Variants in GAREM2 observed in about 807,000 individuals in gnomAD.
The protein encoded by GAREM2 is GRB2 associated regulator of MAPK1 subtype 2.
In GAREM2, 30 loss-of-function variants were observed where a neutral mutation model predicts 55.6. That is an observed-to-expected ratio of 0.54 (90% CI 0.40 to 0.73). The LOEUF is 0.73. GAREM2 is among the 30% of genes least tolerant of loss of function. The pLI, the probability that GAREM2 is intolerant of heterozygous loss-of-function variation, is 0.00. For missense variants in GAREM2, 1,075 were observed against 1,257.7 expected (o/e 0.85, Z 2.20); for synonymous variants, 550 against 569.1 (o/e 0.97, Z 0.48).
the GAREM2 span, chr2:26,195,178 T>A: frequency 2.5e-6 from 4 of 1,612,408 alleles, no homozygotes; most frequent in Non-Finnish European, 1.7e-6. Flanking sequence ...TCGGTCGTGA[T>A]AATCTCCAGC....
intron 1 of GAREM2, 142 bp from the exon 2 acceptor site, chr2:26,176,201 AG>A (rs906471776): frequency 1.3e-6 from 1 of 745,942 alleles, no homozygotes; most frequent in African/African-American, 1.8e-5. Context: ...CTGTCCCTTG[AG>A]CTTTGCTGAC....
chr2:26,192,241 A>G, downstream of GAREM2: 13 of 795,712 alleles, frequency 1.6e-5, no homozygotes, highest in Non-Finnish European at 4.4e-6. Flanking sequence ...AAAATGGAAG[A>G]GGGGCTGGGA....
chr2:26,197,277 G>A, the GAREM2 span, among the ~76,000 whole-genome samples: 2 of 152,290 alleles, frequency 1.3e-5, no homozygotes, highest in Middle Eastern at 3.4e-3. Context: ...GAAGGTGTAA[G>A]CAAACCCACG....
the GAREM2 span, among the ~76,000 whole-genome samples, chr2:26,200,187 G>A: frequency 6.6e-6 from 1 of 152,080 alleles, no homozygotes; most frequent in African/African-American, 2.4e-5. Flanking sequence ...TTGCTCTGTG[G>A]TACTCTTATT....
the GAREM2 span, chr2:26,197,580 A>G: frequency 4.0e-6 from 3 of 742,096 alleles, no homozygotes; most frequent in Non-Finnish European, 7.4e-6. Flanking sequence ...TTTAGGAACC[A>G]CCCGCATCCA....
chr2:26,191,891 C>A (rs1669517239), downstream of GAREM2, among the ~76,000 whole-genome samples: 1 of 152,188 alleles, frequency 6.6e-6, no homozygotes, highest in South Asian at 2.1e-4. Context: ...TTGACATCAG[C>A]AACAGTCAGC....
chr2:26,194,278 C>T (rs538639090), downstream of GAREM2, among the ~76,000 whole-genome samples: 1 of 152,262 alleles, frequency 6.6e-6, no homozygotes, highest in South Asian at 2.1e-4. Flanking sequence ...CTGGATGGTC[C>T]CTGCCTCAGA....
the GAREM2 span, chr2:26,201,433 C>T: frequency 1.4e-6 from 1 of 712,758 alleles, no homozygotes; most frequent in Non-Finnish European, 2.4e-6. Context: ...GGTAGTTATT[C>T]TATTACTCCC....
chr2:26,187,372 C>A lies in GAREM2; in HGVS notation c.1740C>A (p.Pro580=). 6.5e-7 allele frequency: 1 copy of A among 1,547,412 alleles called. No homozygotes were observed. Among genetic ancestry groups the A allele is most frequent in the Non-Finnish European group, 8.7e-7 (1 of 1,144,994 alleles). ...GTCCCCTACCCTCAACCACACAGCC[C>A]AGCCAGGCCTCCCGGGCCCTCACAG... The part of the protein sequence containing the change: ...APGPLPSTTQ[P]SQASRALTEP... Residue 580 remains proline (P), a synonymous_variant, in exon 6 of 6, where the codon CCC becomes CCA. Coordinates refer to ENST00000401533, the MANE Select transcript of GAREM2 (RefSeq NM_001168241.2).
chr2:26,186,704 G>A (rs904148547), intron 5 of GAREM2, among the ~76,000 whole-genome samples: 1 of 152,224 alleles, frequency 6.6e-6, no homozygotes, highest in East Asian at 1.9e-4. Flanking sequence ...GGCCAGGTGC[G>A]GTGGCTGATG....
intron 2 of GAREM2, among the ~76,000 whole-genome samples, chr2:26,182,650 T>C (rs1057141663): frequency 6.6e-6 from 1 of 152,216 alleles, no homozygotes; most frequent in Non-Finnish European, 1.5e-5. Context: ...AGGCCAGCTG[T>C]GTCCACATGT....
the GAREM2 span, chr2:26,201,307 C>G: frequency 6.2e-7 from 1 of 1,608,266 alleles, no homozygotes; most frequent in Admixed American, 1.7e-5. Flanking sequence ...TTCTTCTTCA[C>G]TTTGTCATTC....
At chr2:26,183,740 A>T (rs1347091681) in intron 3 of GAREM2, among the ~76,000 whole-genome samples, 1 of 152,114 alleles carries the variant, frequency 6.6e-6, no homozygotes, top group Non-Finnish European at 1.5e-5. Flanking sequence ...AAACAAACAA[A>T]CAAAAACAAC....
intron 2 of GAREM2, among the ~76,000 whole-genome samples, chr2:26,180,262 G>C (rs1273635027): frequency 1.3e-5 from 2 of 152,134 alleles, no homozygotes; most frequent in African/African-American, 4.8e-5. Context: ...TCTTCATCTG[G>C]GTCTCTCGCT....
chr2:26,184,534 T>C lies in GAREM2; in HGVS notation c.686T>C (p.Leu229Pro). ...CACCGCACCAACGAAAGCCTGAGCCTGCCCTTTCAGTGCCAGGGCCGCTTC... is the reference window on the plus strand; with the variant it reads ...CACCGCACCAACGAAAGCCTGAGCCCGCCCTTTCAGTGCCAGGGCCGCTTC... ...MNHRTNESLS[L>P]PFQCQGRFST... Residue 229 changes from leucine to proline, a missense_variant, in exon 4 of 6, where the codon CTG (leucine) becomes CCG (proline). Transcript: ENST00000401533. 6.5e-7 allele frequency: 1 copy of C among 1,547,490 alleles called. No individual in the cohort carries two copies. Among genetic ancestry groups the C allele is most frequent in the East Asian group, 2.5e-5 (1 of 40,596 alleles).
intron 1 of GAREM2, 75 bp from the exon 2 acceptor site, chr2:26,176,269 A>G: frequency 7.2e-7 from 1 of 1,389,540 alleles, no homozygotes; most frequent in Non-Finnish European, 9.6e-7. Context: ...TGAGGACGTC[A>G]CTATCTGTTC....
In GAREM2 at chr2:26,184,156, T is replaced by C. The variant is rs370000854; in HGVS notation, c.385-77T>C. ...GCGGAAGAGGAAGGCTGTTTTCCCT[T>C]TCCAGTCTCTGGGAGCTGGCCGTGT... On this transcript the variant is annotated intron_variant, in intron 3 of 5. Transcript: ENST00000401533. 925 of 1,523,376 alleles carry C rather than the reference T, an allele frequency of 6.1e-4. 11 individuals are homozygous for C. The South Asian group carries it at 0.011, about 17-fold the overall frequency. 94.4% of individuals were successfully genotyped at this position (1,523,376 alleles called of 1,614,324 possible).
rs1057508711 is a variant in GAREM2, at chr2:26,183,115, C to T, written c.384+18C>T. Reference sequence around the variant, plus strand: ...GCGTCAAGGTCAGTCACTCCCTCACCAGGTGTGGTGTCCCCACACTACTCC... The same window carrying T: ...GCGTCAAGGTCAGTCACTCCCTCACTAGGTGTGGTGTCCCCACACTACTCC... On this transcript the variant is annotated intron_variant, in intron 3 of 5. Transcript: ENST00000401533. 88 of 1,550,988 alleles carry T rather than the reference C, an allele frequency of 5.7e-5. No individual in the cohort carries two copies. The highest frequency in any genetic ancestry group is 7.3e-5 in the Non-Finnish European group (84 of 1,146,586).
rs754177767 is a variant in GAREM2 at position 26,185,142 on chromosome 2, T to C, written c.1294T>C (p.Leu432=). The C allele has an allele frequency of 6.2e-5, 93 of 1,494,540 alleles. No homozygotes were observed. The highest frequency in any genetic ancestry group is 4.7e-4 in the African/African-American group (32 of 68,142). The allele number at this position is 1,494,540 out of a possible 1,614,324, so 92.6% of individuals were successfully genotyped here. A position where few individuals can be genotyped will look rare whatever the true frequency, so the allele number is the denominator to read the frequency against. The change falls in exon 4 of 6, where the codon TTG becomes CTG. Residue 432 remains leucine (L), a synonymous_variant. Transcript: ENST00000401533. ...APPAEIPYEE[L]WAHQGPEGLV... ...GCCCGCCGAGATCCCCTACGAGGAG[T>C]TGTGGGCGCACCAGGGGCCCGAGGG... is the stretch of plus-strand genomic sequence containing the variant.
Sources: gnomAD v4.1 joint callset for allele counts (sites outside exome capture counted in the v4.1 genomes callset) on GRCh38, gnomAD v4.1.1 for gene constraint, MANE v1.5 for transcripts, NCBI Gene and HGNC (gene_info 2026-07-23, HGNC 2026-07-21) for gene names.